The following C8A variants were observed in gnomAD, a reference collection of about 807,000 sequenced individuals.
C8A encodes the protein complement C8 alpha chain.
Under a neutral mutation model 65.3 loss-of-function variants are expected in C8A, and 67 were observed. That is an observed-to-expected ratio of 1.03 (90% confidence interval 0.84 to 1.26). The LOEUF (loss-of-function observed/expected upper bound fraction) is 1.26. Among genes scored for constraint, C8A ranks in the 50% most tolerant of loss-of-function variants. The pLI is 0.00. For missense variants in C8A, 781 were observed against 723.9 expected, an observed-to-expected ratio of 1.08 and a Z score of -0.90; for synonymous variants, 290 against 259.4, an observed-to-expected ratio of 1.12 and a Z score of -1.13.
chr1:56,882,612 G>T (rs1444561062), intron 5 of C8A, among the ~76,000 whole-genome samples: 1 of 152,076 alleles, frequency 6.6e-6, no homozygotes, highest in African/African-American at 2.4e-5. Context: ...ATAAGGCCAA[G>T]CTTATAGGGC....
At chr1:56,874,320 G>C (rs1391693572) in intron 2 of C8A, among the ~76,000 whole-genome samples, 1 of 152,164 alleles carries the variant, frequency 6.6e-6, no homozygotes, top group Non-Finnish European at 1.5e-5. Flanking sequence ...TGTGACTGAG[G>C]AAGTGAGTCC....
chr1:56,867,988 C>A (rs894684992), intron 2 of C8A, among the ~76,000 whole-genome samples: 1 of 152,108 alleles, frequency 6.6e-6, no homozygotes, highest in African/African-American at 2.4e-5. Context: ...TGAGTCATGG[C>A]AAATCTATTG....
Position 56,885,815 on chromosome 1 carries a change from G to C in C8A, c.856-112G>C, listed in dbSNP as rs856847. On this transcript the variant is annotated intron_variant, in intron 6 of 10. Coordinates refer to ENST00000361249, the MANE Select transcript of C8A (RefSeq NM_000562.3). ...TCCTCCAGCTTCTGCCTCCCAAAAT[G>C]CTGGGATTACAGGCATGAGCCACTG... 49,011 of 1,444,558 alleles carry C rather than the reference G, an allele frequency of 0.034. 9,705 individuals carry two copies. In the African/African-American group the frequency reaches 0.5, roughly 15 times the overall value. The allele number at this position is 1,444,558 out of a possible 1,614,324, so 89.5% of individuals were successfully genotyped here.
chr1:56,883,441 C>T, intron 5 of C8A, 40 bp from the exon 6 acceptor site: 1 of 1,517,350 alleles, frequency 6.6e-7, no homozygotes, highest in Non-Finnish European at 9.1e-7. Flanking sequence ...AGAAATGGCT[C>T]TATGTGCACA....
intron 7 of C8A, among the ~76,000 whole-genome samples, chr1:56,903,713 C>T (rs1644443457): frequency 6.6e-6 from 1 of 152,198 alleles, no homozygotes; most frequent in South Asian, 2.1e-4. Flanking sequence ...ACCAGAGATA[C>T]TCTGTAGGAC....
At chr1:56,880,836 TG>T (rs1386416071) in intron 4 of C8A, among the ~76,000 whole-genome samples, 2 of 152,186 alleles carry the variant, frequency 1.3e-5, no homozygotes, top group Non-Finnish European at 2.9e-5. Context: ...ATTTAAGAAC[TG>T]CTTTTTACAA....
intron 7 of C8A, among the ~76,000 whole-genome samples, chr1:56,890,862 C>T (rs1644339450): frequency 6.6e-6 from 1 of 152,070 alleles, no homozygotes; most frequent in Non-Finnish European, 1.5e-5. Context: ...TGTTATATCA[C>T]CCTATTTTAA....
At chr1:56,898,869 G>T (rs973804652) in intron 7 of C8A, among the ~76,000 whole-genome samples, 3 of 152,180 alleles carry the variant, frequency 2.0e-5, no homozygotes, top group East Asian at 1.9e-4. Flanking sequence ...GTATCCTAAA[G>T]TTCTGAACTG....
At chr1:56,896,046 C>T (rs1410766032) in intron 7 of C8A, among the ~76,000 whole-genome samples, 1 of 152,086 alleles carries the variant, frequency 6.6e-6, no homozygotes, top group East Asian at 1.9e-4. Context: ...GTATTGAAAA[C>T]ACAGTCTTAA....
At chr1:56,883,792 G>C (rs1367500915) in intron 6 of C8A, 111 bp downstream of exon 6, 1 of 925,096 alleles carries the variant, frequency 1.1e-6, no homozygotes, top group African/African-American at 1.6e-5. Context: ...ATTTGCTTGT[G>C]TAATTGGAAA....
chr1:56,890,373 CAT>C (rs1418720971), intron 7 of C8A, among the ~76,000 whole-genome samples: 2 of 152,148 alleles, frequency 1.3e-5, no homozygotes, highest in Non-Finnish European at 2.9e-5. Flanking sequence ...ATGAGTATCA[CAT>C]GTGAAAAGAA....
chr1:56,890,796 C>T (rs183008015), intron 7 of C8A, among the ~76,000 whole-genome samples: 6 of 152,078 alleles, frequency 3.9e-5, no homozygotes, highest in African/African-American at 1.4e-4. Flanking sequence ...TTTGGGCCTC[C>T]TTAAGCATCA....
intron 9 of C8A, 118 bp downstream of exon 9, chr1:56,908,231 C>A: frequency 1.7e-6 from 2 of 1,181,990 alleles, no homozygotes; most frequent in Non-Finnish European, 2.5e-6. Context: ...AATGTAATGG[C>A]ACACTGAACT....
At chr1:56,885,569 G>GT (rs34914563) in intron 6 of C8A, among the ~76,000 whole-genome samples, 57 of 126,266 alleles carry the variant, frequency 4.5e-4, no homozygotes, top group Non-Finnish European at 5.2e-4. Context: ...TTTTTTGTTT[G>GT]TTTTTTTTTT....
intron 1 of C8A, among the ~76,000 whole-genome samples, chr1:56,856,437 T>G (rs1437696502): frequency 3.3e-5 from 5 of 152,142 alleles, no homozygotes; most frequent in African/African-American, 1.2e-4. Flanking sequence ...TGCTGCTGTG[T>G]GATTGTTATT....
chr1:56,908,246 G>A lies in C8A; in HGVS notation c.1380+133G>A, dbSNP rs1174142214. The A allele has an allele frequency of 2.8e-6, 3 of 1,081,678 alleles. No homozygotes were observed. In the Admixed American group the frequency reaches 5.9e-5, roughly 21 times the overall value. 67.0% of individuals were successfully genotyped at this position (1,081,678 alleles called of 1,614,324 possible). On this transcript the variant is annotated intron_variant, in intron 9 of 10. Transcript: ENST00000361249. ...AATGTAATGGCACACTGAACTAGTG[G>A]CCTTGCTTGTGCCTGACTCCAGGGA...
chr1:56,887,219 A>G (rs557603283), intron 7 of C8A, among the ~76,000 whole-genome samples: 2 of 152,322 alleles, frequency 1.3e-5, no homozygotes, highest in South Asian at 4.1e-4. Flanking sequence ...ACAATTTTCC[A>G]GTAATGGGAT....
At chr1:56,910,727 C>G (rs1277194669) in intron 9 of C8A, among the ~76,000 whole-genome samples, 2 of 152,210 alleles carry the variant, frequency 1.3e-5, no homozygotes, top group Non-Finnish European at 1.5e-5. Flanking sequence ...CAACCGCAAC[C>G]CCTGACCACA....
intron 1 of C8A, among the ~76,000 whole-genome samples, chr1:56,858,886 G>A (rs2101183348): frequency 6.6e-6 from 1 of 152,310 alleles, no homozygotes; most frequent in South Asian, 2.1e-4. Context: ...TATGGAAGTT[G>A]CGCCAGTTGC....
Sources: allele counts gnomAD v4.1 joint callset (sites outside exome capture counted in the v4.1 genomes callset), GRCh38; gene constraint gnomAD v4.1.1; transcripts MANE v1.5; gene names NCBI Gene and HGNC (gene_info 2026-07-23, HGNC 2026-07-21).